Variants in MYO3B observed in about 807,000 individuals in gnomAD.
MYO3B encodes the protein myosin IIIB.
Under a neutral mutation model 174.6 loss-of-function variants are expected in MYO3B, and 156 were observed. That is an observed-to-expected ratio of 0.89 (90% CI 0.78 to 1.02). The LOEUF (loss-of-function observed/expected upper bound fraction) is 1.02. MYO3B is among the 50% of genes least tolerant of loss of function. The probability of loss-of-function intolerance (pLI) is 0.00; values close to 1 mark genes in which losing one functional copy is unlikely to be tolerated. For missense variants in MYO3B, 1,632 were observed against 1,639.4 expected, an observed-to-expected ratio of 1.00 and a Z score of 0.08; for synonymous variants, 563 against 569.1, an observed-to-expected ratio of 0.99 and a Z score of 0.15.
chr2:170,202,586 C>T (rs1164314031), intron 3 of MYO3B, among the ~76,000 whole-genome samples: 1 of 152,186 alleles, frequency 6.6e-6, no homozygotes, highest in Non-Finnish European at 1.5e-5. Flanking sequence ...CATATTTCAG[C>T]ACATTTTCTT....
intron 1 of MYO3B, among the ~76,000 whole-genome samples, chr2:170,181,322 G>C (rs1346892064): frequency 6.6e-6 from 1 of 152,022 alleles, no homozygotes; most frequent in Non-Finnish European, 1.5e-5. Context: ...TCACTAATTA[G>C]TTCTAGTAAT....
At chr2:170,424,567 A>G (rs1250873512) in intron 22 of MYO3B, among the ~76,000 whole-genome samples, 1 of 152,100 alleles carries the variant, frequency 6.6e-6, no homozygotes, top group Admixed American at 6.6e-5. Context: ...CAGTGAACCA[A>G]GATTGCACTC....
chr2:170,524,771 C>T (rs1242689158), intron 30 of MYO3B: 3 of 291,046 alleles, frequency 1.0e-5, no homozygotes, highest in African/African-American at 4.6e-5. Context: ...AGGCATGAGC[C>T]ACCGTGCCTG....
chr2:170,181,962 C>T (rs2092405351), intron 1 of MYO3B, among the ~76,000 whole-genome samples: 1 of 151,992 alleles, frequency 6.6e-6, no homozygotes, highest in South Asian at 2.1e-4. Flanking sequence ...TTTGATTTGC[C>T]GTTTAAAATT....
chr2:170,195,908 T>G (rs1032329446), intron 1 of MYO3B, among the ~76,000 whole-genome samples: 3 of 152,224 alleles, frequency 2.0e-5, no homozygotes, highest in African/African-American at 4.8e-5. Flanking sequence ...TCCAAGCAAG[T>G]TGACACTCAA....
intron 32 of MYO3B, among the ~76,000 whole-genome samples, chr2:170,567,773 G>A (rs1485025387): frequency 6.6e-6 from 1 of 152,180 alleles, no homozygotes; most frequent in African/African-American, 2.4e-5. Context: ...TTGGAGAGTA[G>A]CATCTTAAGT....
At position 170,289,949 on chromosome 2, in the gene MYO3B, G is replaced by T. The variant is rs1206165258; in HGVS notation, c.750-45436G>T. Reference sequence around the variant, plus strand: ...TTAAAATTTCCTTCTTAATTTCATTGACCCATTGGTCATTCAGGAACACAT... The same window carrying T: ...TTAAAATTTCCTTCTTAATTTCATTTACCCATTGGTCATTCAGGAACACAT... On this transcript the variant is annotated intron_variant, in intron 7 of 34. Coordinates refer to ENST00000408978, the MANE Select transcript of MYO3B (RefSeq NM_138995.5). Among the ~76,000 whole-genome samples the T allele has an allele frequency of 3.3e-5, 5 of 151,902 alleles. No homozygotes were observed. In the East Asian group the frequency reaches 9.6e-4, roughly 29 times the overall value.
intron 28 of MYO3B, among the ~76,000 whole-genome samples, chr2:170,506,929 T>C (rs1687653836): frequency 6.6e-6 from 1 of 152,246 alleles, no homozygotes; most frequent in African/African-American, 2.4e-5. Context: ...CTGTCACTCT[T>C]TTCTGTGTCT....
intron 28 of MYO3B, among the ~76,000 whole-genome samples, chr2:170,506,631 A>G (rs1179733662): frequency 6.6e-6 from 1 of 152,260 alleles, no homozygotes; most frequent in Non-Finnish European, 1.5e-5. Flanking sequence ...TGCTGTTTGA[A>G]TAAATCAAGT....
chr2:170,240,765 G>A (rs1157730), intron 7 of MYO3B, among the ~76,000 whole-genome samples: 64,877 of 151,958 alleles, frequency 0.43, 14,990 homozygotes, highest in East Asian at 0.68. Flanking sequence ...GACTGAATCA[G>A]CCAAGAAACG....
At chr2:170,626,546 C>T (rs1320757209) in intron 32 of MYO3B, among the ~76,000 whole-genome samples, 1 of 152,152 alleles carries the variant, frequency 6.6e-6, no homozygotes, top group Non-Finnish European at 1.5e-5. Context: ...AGCCCATTTA[C>T]ATTTAAGGTT....
chr2:170,220,848 G>A (rs957753106), intron 6 of MYO3B, among the ~76,000 whole-genome samples: 1 of 152,108 alleles, frequency 6.6e-6, no homozygotes, highest in Non-Finnish European at 1.5e-5. Flanking sequence ...TTCAAGTGCA[G>A]GATTCTCTCA....
chr2:170,569,566 G>A (rs1365707388), intron 32 of MYO3B, among the ~76,000 whole-genome samples: 1 of 149,296 alleles, frequency 6.7e-6, no homozygotes, highest in Non-Finnish European at 1.5e-5. Context: ...GTGATCCATA[G>A]GAAACCGAGA....
chr2:170,369,409 G>T, intron 9 of MYO3B, 32 bp downstream of exon 9: 1 of 1,585,282 alleles, frequency 6.3e-7, no homozygotes, highest in South Asian at 1.1e-5. Flanking sequence ...TTCTCCCTGT[G>T]GTTGTTTATA....
In MYO3B at chr2:170,202,112, C is replaced by A. The variant is rs1034160957; in HGVS notation, c.321+1828C>A. Among the ~76,000 whole-genome samples, 15 of 152,090 alleles carry A rather than the reference C, an allele frequency of 9.9e-5. 1 individual carries two copies. The highest frequency in any genetic ancestry group is 1.3e-4 in the Admixed American group (2 of 15,256). ...GCAACTCAGGTATGGCCAAAGCAGCCAGGAAGTAGCACATGGACTTGAAAG... is the reference window on the plus strand; with the variant it reads ...GCAACTCAGGTATGGCCAAAGCAGCAAGGAAGTAGCACATGGACTTGAAAG... On this transcript the variant is annotated intron_variant, in intron 3 of 34. Coordinates refer to ENST00000408978, the MANE Select transcript of MYO3B (RefSeq NM_138995.5).
At chr2:170,505,243 CT>C (rs1687552260) in intron 28 of MYO3B, among the ~76,000 whole-genome samples, 1 of 151,922 alleles carries the variant, frequency 6.6e-6, no homozygotes, top group Non-Finnish European at 1.5e-5. Flanking sequence ...AAGGTATTGT[CT>C]ATCAGTTTCT....
chr2:170,403,098 C>G (rs1277300639), intron 19 of MYO3B, 103 bp downstream of exon 19: 1 of 1,164,794 alleles, frequency 8.6e-7, no homozygotes, highest in Non-Finnish European at 1.2e-6. Flanking sequence ...CTAAAAGACC[C>G]TAGAGAGAAA....
chr2:170,402,498 T>G (rs1290754821), intron 18 of MYO3B, among the ~76,000 whole-genome samples: 1 of 152,218 alleles, frequency 6.6e-6, no homozygotes, highest in Non-Finnish European at 1.5e-5. Flanking sequence ...AAGAGTACTC[T>G]TCCAGTTATC....
rs34273653 is a variant in MYO3B, at chr2:170,383,167, A to G, written c.1163A>G (p.Asn388Ser). 2.3e-4 allele frequency: 364 copies of G among 1,605,340 alleles called. No homozygotes were observed. In the East Asian group the frequency reaches 8.0e-3, roughly 35 times the overall value. ...DILIALNPFQ[N>S]LSIYSPQFSR... ...TTAATTGCCTTAAACCCCTTCCAGAATCTAAGCATATACTCTCCACAGGTA... is the reference window on the plus strand; with the variant it reads ...TTAATTGCCTTAAACCCCTTCCAGAGTCTAAGCATATACTCTCCACAGGTA... The change falls in exon 11 of 35, where the codon AAT (asparagine) becomes AGT (serine). Residue 388 changes from asparagine to serine, a missense_variant. Transcript: ENST00000408978.
Sources: allele counts gnomAD v4.1 joint callset (sites outside exome capture counted in the v4.1 genomes callset), GRCh38; gene constraint gnomAD v4.1.1; transcripts MANE v1.5; gene names NCBI Gene and HGNC (gene_info 2026-07-23, HGNC 2026-07-21).